CHD3: variants seen among roughly 807,000 people sequenced by gnomAD.
CHD3 encodes ATP-dependent chromatin remodeler CHD3.
Under a neutral mutation model 248.9 loss-of-function variants are expected in CHD3, and 52 were observed. That is an observed-to-expected ratio of 0.21 (90% confidence interval 0.17 to 0.26). The LOEUF (loss-of-function observed/expected upper bound fraction) is 0.26, where lower values mean the gene tolerates loss of function less well. Among genes scored for constraint, CHD3 ranks in the 10% least tolerant of loss-of-function variants. The pLI is 1.00. For missense variants in CHD3, 1,482 were observed against 2,605.8 expected (o/e 0.57, Z 9.39); for synonymous variants, 985 against 985.2 (o/e 1.00, Z 0.00).
Position 7,895,075 on chromosome 17 carries a change from C to T in CHD3, c.1428C>T (p.Ser476=). The part of the protein sequence containing the change: ...GELLCCDACI[S]SYHIHCLNPP... ...TCCTGTGCTGTGACGCGTGCATCTC[C>T]TCCTACCACATTCATTGTCTAAACC... Residue 476 remains serine, a synonymous_variant, in exon 9 of 40, where the codon TCC becomes TCT. Coordinates refer to ENST00000330494, the MANE Select transcript of CHD3 (RefSeq NM_001005273.3). The surrounding 1 kb of genome is among the most constrained non-coding windows in gnomAD (Gnocchi z 4.9). 3 of 1,614,140 alleles carry T rather than the reference C, an allele frequency of 1.9e-6. No homozygotes were observed. The highest frequency in any genetic ancestry group is 2.5e-6 in the Non-Finnish European group (3 of 1,180,010).
chr17:7,911,718 C>T lies in CHD3; in HGVS notation c.*133C>T. ...TCACTGGGCTAGGAACCCCTTTGCC[C>T]CTCTCTGCAGCTCCTCTCTTCAAGA... On this transcript the variant is annotated 3_prime_UTR_variant, in exon 40 of 40. Transcript: ENST00000330494. The surrounding 1 kb of genome is among the most constrained non-coding windows in gnomAD (Gnocchi z 5.4). 6.4e-7 allele frequency: 1 copy of T among 1,553,348 alleles called. No individual in the cohort carries two copies. The highest frequency in any genetic ancestry group is 1.7e-4 in the Middle Eastern group (1 of 5,970).
chr17:7,902,754 G>T, intron 21 of CHD3, 27 bp downstream of exon 21: 1 of 1,600,778 alleles, frequency 6.2e-7, no homozygotes, highest in Non-Finnish European at 8.6e-7. Flanking sequence ...GGTCCCTGGT[G>T]GGTGTGGGAG....
In CHD3 at chr17:7,889,837, A is replaced by G. The variant is rs1325715514; in HGVS notation, c.213+61A>G. On this transcript the variant is annotated intron_variant, in intron 2 of 39. Transcript: ENST00000330494. This position sits in a 1 kb window ranked among gnomAD's most constrained non-coding sequence, Gnocchi z 4.5. ...TCAAGAGACCCATTCTCAGAGACCT[A>G]CATTTTCTCTGGTCCTGATTACTGG... 6.1e-6 allele frequency: 9 copies of G among 1,469,868 alleles called. No homozygotes were observed. The highest frequency in any genetic ancestry group is 8.4e-6 in the Non-Finnish European group (9 of 1,068,976). The allele number at this position is 1,469,868 out of a possible 1,614,324, so 91.1% of individuals were successfully genotyped here.
chr17:7,909,378 A>G lies in CHD3; in HGVS notation c.5590+40A>G, dbSNP rs1288208355. On this transcript the variant is annotated intron_variant, in intron 37 of 39. Coordinates refer to ENST00000330494, the MANE Select transcript of CHD3 (RefSeq NM_001005273.3). The surrounding 1 kb of genome is among the most constrained non-coding windows in gnomAD (Gnocchi z 8.1). ...GGCCCCGCGCGGGGGAGGGCCCACA[A>G]CGCTGCGTAAGTCTTCACCCCGCAC... 6 of 1,506,536 alleles carry G rather than the reference A, an allele frequency of 4.0e-6. No individual in the cohort carries two copies. Among genetic ancestry groups the G allele is most frequent in the African/African-American group, 1.4e-5 (1 of 71,804 alleles). 93.3% of individuals were successfully genotyped at this position (1,506,536 alleles called of 1,614,324 possible).
Position 7,895,468 on chromosome 17 carries a change from A to C in CHD3, c.1633A>C (p.Arg545=), listed in dbSNP as rs1969511864. The change falls in exon 10 of 40, where the codon AGA becomes CGA. Residue 545 remains arginine (R), a synonymous_variant. Transcript: ENST00000330494. The surrounding 1 kb of genome is among the most constrained non-coding windows in gnomAD (Gnocchi z 4.9). Reference sequence around the variant, plus strand: ...CCCACCCCCCCGTCCTCTTCAAGGCAGATCAGAGCGAGAGTTCTTTGTCAA... The same window carrying C: ...CCCACCCCCCCGTCCTCTTCAAGGCCGATCAGAGCGAGAGTTCTTTGTCAA... ...DVPPPRPLQG[R]SEREFFVKWV... 6.2e-7 allele frequency: 1 copy of C among 1,614,002 alleles called. No individual in the cohort carries two copies. Among genetic ancestry groups the C allele is most frequent in the Admixed American group, 1.7e-5 (1 of 59,998 alleles).
In CHD3 at chr17:7,907,452, C is replaced by T. The variant is rs758113276; in HGVS notation, c.4888C>T (p.Pro1630Ser). 1 of 1,609,266 alleles carries T rather than the reference C, an allele frequency of 6.2e-7. No individual in the cohort carries two copies. Among genetic ancestry groups the T allele is most frequent in the South Asian group, 1.1e-5 (1 of 90,248 alleles). The change falls in exon 32 of 40, where the codon CCT becomes TCT. Residue 1630 changes from proline to serine, a missense_variant. By Grantham distance (74) the Pro-to-Ser change is moderately conservative (BLOSUM62 -1). Coordinates refer to ENST00000330494, the MANE Select transcript of CHD3 (RefSeq NM_001005273.3). This position sits in a 1 kb window ranked among gnomAD's most constrained non-coding sequence, Gnocchi z 4.3. ...EVPGVPGEME[P>S]EPGYRGDREK... is the part of the protein sequence containing the mutation. ...GCCAGGGGTGCCTGGAGAGATGGAG[C>T]CTGAACCTGGGTACCGTGGGGACAG...
rs1488362757 is a variant in CHD3 at position 7,912,626 on chromosome 17, C to T, written c.*1041C>T. 2.6e-5 allele frequency: 4 copies of T among 152,260 alleles called. No individual in the cohort carries two copies. Among genetic ancestry groups the T allele is most frequent in the Admixed American group, 6.5e-5 (1 of 15,272 alleles). 9.4% of individuals were successfully genotyped at this position (152,260 alleles called of 1,614,324 possible). A position where few individuals can be genotyped will look rare whatever the true frequency, so the allele number is the denominator to read the frequency against. On this transcript the variant is annotated 3_prime_UTR_variant, in exon 40 of 40. Transcript: ENST00000330494. ...AGTTTGCATGGCGAACCCCCCACTT[C>T]CTCTTTGCTGCCCCTTCACTTTCTT...
chr17:7,895,325 T>C lies in CHD3; in HGVS notation c.1504-14T>C. On this transcript the variant is annotated splice_polypyrimidine_tract_variant and intron_variant, in intron 9 of 39. Coordinates refer to ENST00000330494, the MANE Select transcript of CHD3 (RefSeq NM_001005273.3). This position sits in a 1 kb window ranked among gnomAD's most constrained non-coding sequence, Gnocchi z 4.9. ...CTCTTTCTTTCCTCCTCCTTGTACGTGTCCATCCCAAAGTGCCCCGTGCTG... is the reference window on the plus strand; with the variant it reads ...CTCTTTCTTTCCTCCTCCTTGTACGCGTCCATCCCAAAGTGCCCCGTGCTG... The C allele has an allele frequency of 6.2e-7, 1 of 1,613,864 alleles. No homozygotes were observed. Among genetic ancestry groups the C allele is most frequent in the East Asian group, 2.2e-5 (1 of 44,886 alleles).
Position 7,911,643 on chromosome 17 carries a change from A to G in CHD3, c.*58A>G, listed in dbSNP as rs759988428. On this transcript the variant is annotated 3_prime_UTR_variant, in exon 40 of 40. Transcript: ENST00000330494. This position sits in a 1 kb window ranked among gnomAD's most constrained non-coding sequence, Gnocchi z 5.4. ...CGTCCCCGAGGCCGACCCCCAGCTC[A>G]AGCGCTGGGGCCTGCTGCCAGCCCT... 1.2e-6 allele frequency: 2 copies of G among 1,611,088 alleles called. No homozygotes were observed. Among genetic ancestry groups the G allele is most frequent in the South Asian group, 2.2e-5 (2 of 90,816 alleles).
At chr17:7,890,806 A>G (rs1229313327) in intron 3 of CHD3, 65 bp downstream of exon 3, 1 of 1,518,554 alleles carries the variant, frequency 6.6e-7, no homozygotes, top group East Asian at 2.3e-5. Flanking sequence ...GAGGGGAGGA[A>G]TGGAGACTGG....
rs150267300 is a variant in CHD3 at position 7,897,169 on chromosome 17, C to G, written c.1794C>G (p.Gly598=). 1 of 1,613,948 alleles carries G rather than the reference C, an allele frequency of 6.2e-7. No homozygotes were observed. The highest frequency in any genetic ancestry group is 1.3e-5 in the African/African-American group (1 of 74,884). Residue 598 remains glycine (G), a synonymous_variant, in exon 11 of 40, where the codon GGC becomes GGG. Transcript: ENST00000330494. The surrounding 1 kb of genome is among the most constrained non-coding windows in gnomAD (Gnocchi z 4.8). The part of the protein sequence containing the change: ...DEPPPLDYGS[G]EDDGKSDKRK... ...CCCCACCCCTGGACTATGGCTCCGG[C>G]GAGGATGATGGGAAGAGCGACAAGC...
In CHD3 at chr17:7,907,061, C is replaced by G; in HGVS notation, c.4666+30C>G. On this transcript the variant is annotated intron_variant, in intron 30 of 39. Coordinates refer to ENST00000330494, the MANE Select transcript of CHD3 (RefSeq NM_001005273.3). This position sits in a 1 kb window ranked among gnomAD's most constrained non-coding sequence, Gnocchi z 4.3. ...TCAGAAGTCAGGATGGTGGGAGAGACAGAAAGGGAGCCAGGAGTCAGGGCG... is the reference window on the plus strand; with the variant it reads ...TCAGAAGTCAGGATGGTGGGAGAGAGAGAAAGGGAGCCAGGAGTCAGGGCG... 1 of 1,613,798 alleles carries G rather than the reference C, an allele frequency of 6.2e-7. No individual in the cohort carries two copies. The highest frequency in any genetic ancestry group is 8.5e-7 in the Non-Finnish European group (1 of 1,179,798).
Position 7,897,837 on chromosome 17 carries a change from C to T in CHD3, c.1920-134C>T, listed in dbSNP as rs569985633. On this transcript the variant is annotated intron_variant, in intron 11 of 39. Coordinates refer to ENST00000330494, the MANE Select transcript of CHD3 (RefSeq NM_001005273.3). This position sits in a 1 kb window ranked among gnomAD's most constrained non-coding sequence, Gnocchi z 4.8. Reference sequence around the variant, plus strand: ...AGGTCAACTATTCCAATCTCCCTTCCAGCAGCTCACTGTTGACGGTTGGGT... The same window carrying T: ...AGGTCAACTATTCCAATCTCCCTTCTAGCAGCTCACTGTTGACGGTTGGGT... The T allele has an allele frequency of 2.2e-6, 2 of 926,676 alleles. No homozygotes were observed. Among genetic ancestry groups the T allele is most frequent in the South Asian group, 1.7e-5 (1 of 59,816 alleles). The allele number at this position is 926,676 out of a possible 1,614,324, so 57.4% of individuals were successfully genotyped here.
At position 7,910,604 on chromosome 17, in the gene CHD3, C is replaced by G. The variant is rs115409358; in HGVS notation, c.5754+13C>G. The G allele has an allele frequency of 8.3e-4, 1,335 of 1,599,100 alleles. 8 individuals are homozygous for G. In the African/African-American group the frequency reaches 0.012, roughly 14 times the overall value. Reference sequence around the variant, plus strand: ...TCACCCCACACCGGTAACCCTCTTTCCCCCTAGCTCCAGTTTTCCCTGTTT... The same window carrying G: ...TCACCCCACACCGGTAACCCTCTTTGCCCCTAGCTCCAGTTTTCCCTGTTT... On this transcript the variant is annotated intron_variant, in intron 38 of 39. Transcript: ENST00000330494. This position sits in a 1 kb window ranked among gnomAD's most constrained non-coding sequence, Gnocchi z 4.7.
chr17:7,909,111 C>T lies in CHD3; in HGVS notation c.5395-32C>T. On this transcript the variant is annotated intron_variant, in intron 36 of 39. Coordinates refer to ENST00000330494, the MANE Select transcript of CHD3 (RefSeq NM_001005273.3). This position sits in a 1 kb window ranked among gnomAD's most constrained non-coding sequence, Gnocchi z 8.1. Reference sequence around the variant, plus strand: ...GCCCCTCACCCACTGCTGGCAGAGCCCTACCTTCACCTCCCAACTCTGTGC... The same window carrying T: ...GCCCCTCACCCACTGCTGGCAGAGCTCTACCTTCACCTCCCAACTCTGTGC... 1.9e-6 allele frequency: 3 copies of T among 1,550,704 alleles called. No homozygotes were observed. The highest frequency in any genetic ancestry group is 2.6e-6 in the Non-Finnish European group (3 of 1,147,660).
rs930708810 is a variant in CHD3 at position 7,911,221 on chromosome 17, C to G, written c.5882-243C>G. On this transcript the variant is annotated intron_variant, in intron 39 of 39. Transcript: ENST00000330494. The surrounding 1 kb of genome is among the most constrained non-coding windows in gnomAD (Gnocchi z 5.4). ...GGTGTCTTCTACCCGAGCCACCTCC[C>G]TCCGGGTTCCTTCAAGGGAAAGTGA... Among the ~76,000 whole-genome samples, 1 of 152,230 alleles carries G rather than the reference C, an allele frequency of 6.6e-6. No individual in the cohort carries two copies. Among genetic ancestry groups the G allele is most frequent in the African/African-American group, 2.4e-5 (1 of 41,452 alleles).
chr17:7,896,688 T>C (rs1567848542), intron 10 of CHD3, among the ~76,000 whole-genome samples: 1 of 147,246 alleles, frequency 6.8e-6, no homozygotes, highest in African/African-American at 2.5e-5. Flanking sequence ...GCGCCTGTTA[T>C]TCTCTTATTG....
intron 8 of CHD3, 149 bp downstream of exon 8, chr17:7,894,757 T>G (rs183754558): frequency 7.4e-7 from 1 of 1,355,826 alleles, no homozygotes; most frequent in East Asian, 2.3e-5. Context: ...TATTCCTTTC[T>G]CCCACAATCA....
chr17:7,893,988 C>T (rs1969279919), intron 6 of CHD3, 53 bp downstream of exon 6: 1 of 1,570,746 alleles, frequency 6.4e-7, no homozygotes, highest in Non-Finnish European at 8.6e-7. Flanking sequence ...GATCCAGAGA[C>T]AGGGATCCGT....
Sources: gnomAD v4.1 joint callset for allele counts (sites outside exome capture counted in the v4.1 genomes callset) on GRCh38, gnomAD v4.1.1 for gene constraint, Gnocchi (gnomAD v3.1) non-coding constraint, MANE v1.5 for transcripts, NCBI Gene and HGNC (gene_info 2026-07-23, HGNC 2026-07-21) for gene names.